The following TOX variants were observed in gnomAD, a reference collection of about 807,000 sequenced individuals.
TOX encodes thymocyte selection-associated high mobility group box protein TOX.
TOX carries 11 observed loss-of-function variants against 53.7 expected under a neutral mutation model. The ratio of observed to expected loss-of-function variants is 0.20; its 90% confidence interval spans 0.13 to 0.34. The LOEUF is 0.34. Among genes scored for constraint, TOX ranks in the 10% least tolerant of loss-of-function variants. The pLI, the probability that TOX is intolerant of heterozygous loss-of-function variation, is 1.00. For missense variants in TOX, 570 were observed against 664.6 expected (o/e 0.86, Z 1.56); for synonymous variants, 225 against 245.3 (o/e 0.92, Z 0.77).
chr8:59,044,823 A>T (rs1195740655), intron 1 of TOX, among the ~76,000 whole-genome samples: 1 of 152,234 alleles, frequency 6.6e-6, no homozygotes, highest in Non-Finnish European at 1.5e-5. Flanking sequence ...AGGGAAAAAT[A>T]TTATAAACAA....
At chr8:59,040,033 A>G (rs1207038373) in intron 1 of TOX, among the ~76,000 whole-genome samples, 2 of 152,226 alleles carry the variant, frequency 1.3e-5, no homozygotes, top group South Asian at 2.1e-4. Context: ...TAAAAACTGT[A>G]TTCTAAGAAG....
intron 1 of TOX, among the ~76,000 whole-genome samples, chr8:58,970,625 C>T (rs1187193308): frequency 6.6e-6 from 1 of 152,198 alleles, no homozygotes; most frequent in Non-Finnish European, 1.5e-5. Flanking sequence ...TTGTGCTTAT[C>T]CCAGCCCACA....
chr8:59,017,402 T>A (rs1015993303), intron 1 of TOX, among the ~76,000 whole-genome samples: 8 of 151,982 alleles, frequency 5.3e-5, no homozygotes, highest in African/African-American at 1.9e-4. Flanking sequence ...TCCTTCAAAA[T>A]GGTACCTGAG....
intron 3 of TOX, among the ~76,000 whole-genome samples, chr8:58,886,153 C>A (rs111476156): frequency 6.6e-6 from 1 of 152,174 alleles, no homozygotes; most frequent in African/African-American, 2.4e-5. Flanking sequence ...TTTACCTGGC[C>A]ATGTTTCTGT....
intron 1 of TOX, among the ~76,000 whole-genome samples, chr8:59,106,079 T>C (rs1179937445): frequency 6.6e-6 from 1 of 152,186 alleles, no homozygotes; most frequent in Non-Finnish European, 1.5e-5. Context: ...GAAATGAACA[T>C]TCATATGTTT....
intron 3 of TOX, among the ~76,000 whole-genome samples, chr8:58,878,157 T>A (rs1240582772): frequency 6.6e-6 from 1 of 152,004 alleles, no homozygotes; most frequent in Non-Finnish European, 1.5e-5. Context: ...TTTCCCTTTT[T>A]TATAGGAGGG....
chr8:59,022,638 T>A (rs952732382), intron 1 of TOX, among the ~76,000 whole-genome samples: 4 of 152,216 alleles, frequency 2.6e-5, no homozygotes, highest in African/African-American at 9.6e-5. Context: ...GCTTAAATTA[T>A]TTCTGCTTCT....
At chr8:59,102,228 T>A (rs1460399408) in intron 1 of TOX, among the ~76,000 whole-genome samples, 2 of 149,498 alleles carry the variant, frequency 1.3e-5, no homozygotes, top group Non-Finnish European at 2.9e-5. Flanking sequence ...TCCCGTTTTG[T>A]GTTTGTTTGT....
chr8:59,010,920 T>C (rs1190220701), intron 1 of TOX, among the ~76,000 whole-genome samples: 1 of 152,200 alleles, frequency 6.6e-6, no homozygotes, highest in African/African-American at 2.4e-5. Flanking sequence ...TGTGTGCCTA[T>C]CTGCATAGCT....
At chr8:58,927,584 C>G (rs1216880500) in intron 3 of TOX, among the ~76,000 whole-genome samples, 1 of 152,300 alleles carries the variant, frequency 6.6e-6, no homozygotes, top group Admixed American at 6.5e-5. Context: ...TGTAAAACAC[C>G]TAGCCCAGGA....
At chr8:59,061,032 A>T (rs752441674) in intron 1 of TOX, among the ~76,000 whole-genome samples, 4 of 152,196 alleles carry the variant, frequency 2.6e-5, no homozygotes, top group South Asian at 2.1e-4. Context: ...ATCTTCCATA[A>T]AGCTGCATCT....
At chr8:59,008,590 C>T (rs947050245) in intron 1 of TOX, among the ~76,000 whole-genome samples, 1 of 152,176 alleles carries the variant, frequency 6.6e-6, no homozygotes, top group Non-Finnish European at 1.5e-5. Flanking sequence ...CACCTCCCCC[C>T]CATGACTCCC....
At chr8:59,057,388 C>T (rs561866113) in intron 1 of TOX, among the ~76,000 whole-genome samples, 2 of 152,054 alleles carry the variant, frequency 1.3e-5, no homozygotes, top group Non-Finnish European at 2.9e-5. Flanking sequence ...TAATACACAC[C>T]TCATAGGTTT....
chr8:59,062,593 G>A (rs558659429), intron 1 of TOX, among the ~76,000 whole-genome samples: 1 of 152,306 alleles, frequency 6.6e-6, no homozygotes, highest in South Asian at 2.1e-4. Flanking sequence ...ACTGTTCTAA[G>A]CAGACAGCTT....
intron 2 of TOX, among the ~76,000 whole-genome samples, chr8:58,945,598 G>C (rs1812511671): frequency 6.6e-6 from 1 of 152,100 alleles, no homozygotes. Flanking sequence ...CATGTTCCAT[G>C]ATCTGAGTAT....
intron 1 of TOX, among the ~76,000 whole-genome samples, chr8:58,963,648 T>A (rs1489582234): frequency 6.6e-6 from 1 of 152,218 alleles, no homozygotes; most frequent in African/African-American, 2.4e-5. Context: ...TTGTCCAGAA[T>A]GCCTTCCTTC....
In TOX at chr8:59,117,465, A is replaced by G. The variant is rs1805122280; in HGVS notation, c.102+1421T>C. 6.6e-6 allele frequency among the ~76,000 whole-genome samples: 1 copy of G among 152,200 alleles called. No homozygotes were observed. The highest frequency in any genetic ancestry group is 1.5e-5 in the Non-Finnish European group (1 of 68,040). On this transcript the variant is annotated intron_variant, in intron 1 of 8. Transcript: ENST00000361421. This position sits in a 1 kb window ranked among gnomAD's most constrained non-coding sequence, Gnocchi z 4.6. ...TCTAACTTGCCTAAACACCATCGGC[A>G]CACAGCACAGTCCTTTGAGTGGGTC...
intron 1 of TOX, among the ~76,000 whole-genome samples, chr8:59,037,707 C>G (rs958250135): frequency 1.3e-5 from 2 of 148,364 alleles, no homozygotes; most frequent in African/African-American, 2.5e-5. Context: ...GGGGCTGAAG[C>G]AGGAGAATTG....
At chr8:58,862,598 A>G (rs1235631300) in intron 3 of TOX, among the ~76,000 whole-genome samples, 1 of 152,162 alleles carries the variant, frequency 6.6e-6, no homozygotes, top group African/African-American at 2.4e-5. Flanking sequence ...AACTTCTAAT[A>G]AAGAAAGAGA....
Sources: allele counts gnomAD v4.1 joint callset (sites outside exome capture counted in the v4.1 genomes callset), GRCh38; gene constraint gnomAD v4.1.1; non-coding constraint Gnocchi (gnomAD v3.1); transcripts MANE v1.5; gene names NCBI Gene and HGNC (gene_info 2026-07-23, HGNC 2026-07-21).